The following COPS7A variants were observed in gnomAD, a reference collection of about 807,000 sequenced individuals.
The protein encoded by COPS7A is COP9 signalosome subunit 7A, also known as COP9 signalosome complex subunit 7a.
COPS7A carries 20 observed loss-of-function variants against 35.2 expected under a neutral mutation model. That is an observed-to-expected ratio of 0.57 (90% CI 0.40 to 0.83). COPS7A has a LOEUF of 0.83. Ranked by LOEUF, COPS7A falls within the 40% of genes least tolerant of loss-of-function variation. The probability of loss-of-function intolerance (pLI) is 0.00; values close to 1 mark genes in which losing one functional copy is unlikely to be tolerated. For synonymous variants in COPS7A, 139 were observed against 141.4 expected (o/e 0.98, Z 0.12); for missense variants, 247 against 347.5 (o/e 0.71, Z 2.30).
chr12:6,725,312 A>G (rs936904140), intron 2 of COPS7A, among the ~76,000 whole-genome samples: 7 of 152,044 alleles, frequency 4.6e-5, no homozygotes, highest in African/African-American at 7.2e-5. Flanking sequence ...GCCCGCCACC[A>G]TGCCCGGCTA....
Position 6,730,837 on chromosome 12 carries a change from G to T in COPS7A, c.788+17G>T, listed in dbSNP as rs1941374743. On this transcript the variant is annotated intron_variant, in intron 7 of 7. Transcript: ENST00000543155. The stretch of plus-strand genomic sequence containing the variant: ...GGGCAAGGGGTGAGCCAGGGTAGCA[G>T]GAACTGCTCACTTGCAGGGTGCCCT... 2 of 1,613,508 alleles carry T rather than the reference G, an allele frequency of 1.2e-6. No homozygotes were observed. The highest frequency in any genetic ancestry group is 1.7e-6 in the Non-Finnish European group (2 of 1,179,748).
In COPS7A at chr12:6,724,622, A is replaced by T; in HGVS notation, c.-35A>T. 1 of 1,613,554 alleles carries T rather than the reference A, an allele frequency of 6.2e-7. No individual in the cohort carries two copies. The highest frequency in any genetic ancestry group is 8.5e-7 in the Non-Finnish European group (1 of 1,179,698). On this transcript the variant is annotated 5_prime_UTR_variant, in exon 2 of 8. Transcript: ENST00000543155. ...ATCCTCTTTCCTTGCAGCTCTGGAC[A>T]TCCTGAGCCCAAGTCCCCCACACTC...
At chr12:6,726,627 AAAAC>A (rs930329372) in intron 2 of COPS7A, among the ~76,000 whole-genome samples, 4 of 145,040 alleles carry the variant, frequency 2.8e-5, no homozygotes, top group East Asian at 1.9e-4. Context: ...ATAAATAAAT[AAAAC>A]AAACAAAAGC....
intron 2 of COPS7A, among the ~76,000 whole-genome samples, chr12:6,725,189 C>G: frequency 6.8e-6 from 1 of 146,416 alleles, no homozygotes; most frequent in Non-Finnish European, 1.5e-5. Flanking sequence ...CGGAGTCTTG[C>G]TCTGTCACCC....
rs1941222436 is a variant in COPS7A at position 6,725,242 on chromosome 12, T to C, written c.162+424T>C. 2.0e-5 allele frequency among the ~76,000 whole-genome samples: 3 copies of C among 151,744 alleles called. No homozygotes were observed. The South Asian group carries it at 6.3e-4, about 32-fold the overall frequency. On this transcript the variant is annotated intron_variant, in intron 2 of 7. Coordinates refer to ENST00000543155, the MANE Select transcript of COPS7A (RefSeq NM_001164094.2). ...CGTGATCTCAGCTGAGTGCAAGCTC[T>C]GCCTCCTGGGTTCACGCCATTCTCC...
At chr12:6,730,276 C>T (rs918590084) in intron 5 of COPS7A, 126 bp from the exon 6 acceptor site, 39 of 848,272 alleles carry the variant, frequency 4.6e-5, no homozygotes, top group Non-Finnish European at 4.4e-5. Context: ...CTTGGCCTCC[C>T]AAAATGCAGG....
chr12:6,725,591 G>A lies in COPS7A; in HGVS notation c.162+773G>A, dbSNP rs879551962. ...ATTAGCATGCCCTTTTCTTCCCTATGTGCAGCATATGCTAATCTATTCAAG... is the reference window on the plus strand; with the variant it reads ...ATTAGCATGCCCTTTTCTTCCCTATATGCAGCATATGCTAATCTATTCAAG... On this transcript the variant is annotated intron_variant, in intron 2 of 7. Transcript: ENST00000543155. 2.4e-4 allele frequency: 111 copies of A among 455,764 alleles called. 1 individual carries two copies. The highest frequency in any genetic ancestry group is 1.9e-3 in the Admixed American group (80 of 42,534). 28.2% of individuals were successfully genotyped at this position (455,764 alleles called of 1,614,324 possible).
rs1941330013 is a variant in COPS7A, at chr12:6,729,175, G to T, written c.328-72G>T. 1 of 1,527,900 alleles carries T rather than the reference G, an allele frequency of 6.5e-7. No homozygotes were observed. 94.6% of individuals were successfully genotyped at this position (1,527,900 alleles called of 1,614,324 possible). On this transcript the variant is annotated intron_variant, in intron 4 of 7. Coordinates refer to ENST00000543155, the MANE Select transcript of COPS7A (RefSeq NM_001164094.2). The surrounding 1 kb of genome is among the most constrained non-coding windows in gnomAD (Gnocchi z 4.2). ...AGGTGGGCTAGGGCAGGGGGAAAAG[G>T]AGGGAAGATTTTTGGAAGCCCTTCT...
chr12:6,728,589 C>T (rs185297731), intron 4 of COPS7A, among the ~76,000 whole-genome samples: 1 of 152,288 alleles, frequency 6.6e-6, no homozygotes, highest in Non-Finnish European at 1.5e-5. Context: ...TTCAACAATA[C>T]CTTCTTCCCC....
chr12:6,724,555 G>A, intron 1 of COPS7A, 59 bp from the exon 2 acceptor site: 1 of 1,410,574 alleles, frequency 7.1e-7, no homozygotes. Flanking sequence ...CCTCAGCCTT[G>A]TGCTTCCCAT....
Position 6,731,105 on chromosome 12 carries a change from C to T in COPS7A, c.*66C>T. 6.2e-7 allele frequency: 1 copy of T among 1,613,656 alleles called. No individual in the cohort carries two copies. Among genetic ancestry groups the T allele is most frequent in the Non-Finnish European group, 8.5e-7 (1 of 1,179,746 alleles). On this transcript the variant is annotated 3_prime_UTR_variant, in exon 8 of 8. Transcript: ENST00000543155. ...TGCCTGCCTGCCTCTTAGGAGTCCT[C>T]AGAGAGCCTTCTGTGCCCCTGGCCA...
In COPS7A at chr12:6,731,567, C is replaced by G. The variant is rs1413010296; in HGVS notation, c.*528C>G. The stretch of plus-strand genomic sequence containing the variant: ...CACTGGACATGTTCATCCTAGAATC[C>G]TGTCACACTACAGTCATTTCTTTTC... On this transcript the variant is annotated 3_prime_UTR_variant, in exon 8 of 8. Transcript: ENST00000543155. 1 of 171,238 alleles carries G rather than the reference C, an allele frequency of 5.8e-6. No individual in the cohort carries two copies. Among genetic ancestry groups the G allele is most frequent in the Non-Finnish European group, 1.2e-5 (1 of 81,100 alleles). 10.6% of individuals were successfully genotyped at this position (171,238 alleles called of 1,614,324 possible).
At chr12:6,725,993 C>T (rs550894867) in intron 2 of COPS7A, 10 of 440,810 alleles carry the variant, frequency 2.3e-5, no homozygotes, top group South Asian at 7.9e-5. Flanking sequence ...GAGGTGAAAC[C>T]GATATGGCAG....
chr12:6,727,714 TG>T, intron 2 of COPS7A: 1 of 675,670 alleles, frequency 1.5e-6, no homozygotes, highest in Admixed American at 2.0e-5. Context: ...CATTGTGGTT[TG>T]GGAGAATAGT....
In COPS7A at chr12:6,729,714, G is replaced by T. The variant is rs1941345271; in HGVS notation, c.530+265G>T. On this transcript the variant is annotated intron_variant, in intron 5 of 7. Transcript: ENST00000543155. This position sits in a 1 kb window ranked among gnomAD's most constrained non-coding sequence, Gnocchi z 4.2. ...AAGGGGATCCTAACCAGCAAGGTCGGTCGCCTGTCTTAGGCTAGACTCTGT... is the reference window on the plus strand; with the variant it reads ...AAGGGGATCCTAACCAGCAAGGTCGTTCGCCTGTCTTAGGCTAGACTCTGT... 6.6e-6 allele frequency among the ~76,000 whole-genome samples: 1 copy of T among 152,184 alleles called. No individual in the cohort carries two copies. Among genetic ancestry groups the T allele is most frequent in the Admixed American group, 6.5e-5 (1 of 15,282 alleles).
chr12:6,729,524 G>A lies in COPS7A; in HGVS notation c.530+75G>A. 6.8e-7 allele frequency: 1 copy of A among 1,475,604 alleles called. No individual in the cohort carries two copies. The highest frequency in any genetic ancestry group is 9.2e-7 in the Non-Finnish European group (1 of 1,085,334). The allele number at this position is 1,475,604 out of a possible 1,614,324, so 91.4% of individuals were successfully genotyped here. A position where few individuals can be genotyped will look rare whatever the true frequency, so the allele number is the denominator to read the frequency against. ...AGGCGCTTCAGGGTGAGAGAGGGCA[G>A]GAGCTGGGCTGGTCCGCAGAGGTGG... On this transcript the variant is annotated intron_variant, in intron 5 of 7. Coordinates refer to ENST00000543155, the MANE Select transcript of COPS7A (RefSeq NM_001164094.2). The surrounding 1 kb of genome is among the most constrained non-coding windows in gnomAD (Gnocchi z 4.2).
At chr12:6,725,878 TATCA>T in intron 2 of COPS7A, 1 of 456,068 alleles carries the variant, frequency 2.2e-6, no homozygotes, top group South Asian at 1.5e-5. Context: ...AACTAAAGAG[TATCA>T]ATCAAAGTGA....
chr12:6,729,366 C>T lies in COPS7A; in HGVS notation c.447C>T (p.Asn149=). 6.2e-7 allele frequency: 1 copy of T among 1,614,180 alleles called. No individual in the cohort carries two copies. The highest frequency in any genetic ancestry group is 8.5e-7 in the Non-Finnish European group (1 of 1,180,044). ...TTCGTGGCTCCCTGGACCAGCGCAACCAGCGGCTCGAGGTTGACTACAGCA... is the reference window on the plus strand; with the variant it reads ...TTCGTGGCTCCCTGGACCAGCGCAATCAGCGGCTCGAGGTTGACTACAGCA... ...DVLRGSLDQR[N]QRLEVDYSIG... Residue 149 remains asparagine (N), a synonymous_variant, in exon 5 of 8, where the codon AAC becomes AAT. Coordinates refer to ENST00000543155, the MANE Select transcript of COPS7A (RefSeq NM_001164094.2). The surrounding 1 kb of genome is among the most constrained non-coding windows in gnomAD (Gnocchi z 4.2).
At chr12:6,730,326 C>A (rs1307476444) in intron 5 of COPS7A, 76 bp from the exon 6 acceptor site, 3 of 1,444,536 alleles carry the variant, frequency 2.1e-6, no homozygotes, top group Non-Finnish European at 2.9e-6. Flanking sequence ...CTCTAGGGTT[C>A]TTTTTGAGTC....
Sources: allele counts gnomAD v4.1 joint callset (sites outside exome capture counted in the v4.1 genomes callset), GRCh38; gene constraint gnomAD v4.1.1; non-coding constraint Gnocchi (gnomAD v3.1); transcripts MANE v1.5; gene names NCBI Gene and HGNC (gene_info 2026-07-23, HGNC 2026-07-21).